Variants in RARG observed in about 807,000 individuals in gnomAD.
The protein encoded by RARG is retinoic acid receptor gamma.
RARG carries 17 observed loss-of-function variants against 43.7 expected under a neutral mutation model. The observed-to-expected ratio is 0.39, with a 90% CI of 0.27 to 0.58. The LOEUF is 0.58. Among genes scored for constraint, RARG ranks in the 20% least tolerant of loss-of-function variants. The pLI, the probability that RARG is intolerant of heterozygous loss-of-function variation, is 0.57. For synonymous variants in RARG, 238 were observed against 236.4 expected, an observed-to-expected ratio of 1.01 and a Z score of -0.06; for missense variants, 346 against 598.7, an observed-to-expected ratio of 0.58 and a Z score of 4.40.
Position 53,213,818 on chromosome 12 carries a change from G to A in RARG, c.814-118C>T. ...GAGTGCAACCTGAAGCAGGCATGGA[G>A]AAGGCAGAGGTGGAGGATCTGAGGC... On this transcript the variant is annotated intron_variant, in intron 7 of 9. Coordinates refer to ENST00000425354, the MANE Select transcript of RARG (RefSeq NM_000966.6). This position sits in a 1 kb window ranked among gnomAD's most constrained non-coding sequence, Gnocchi z 4.7. 2 of 1,197,534 alleles carry A rather than the reference G, an allele frequency of 1.7e-6. No homozygotes were observed. The highest frequency in any genetic ancestry group is 1.2e-6 in the Non-Finnish European group (1 of 838,516). 74.2% of individuals were successfully genotyped at this position (1,197,534 alleles called of 1,614,324 possible). A position where few individuals can be genotyped will look rare whatever the true frequency, so the allele number is the denominator to read the frequency against.
intron 3 of RARG, among the ~76,000 whole-genome samples, chr12:53,223,217 G>T (rs886587646): frequency 6.6e-6 from 1 of 152,082 alleles, no homozygotes; most frequent in Non-Finnish European, 1.5e-5. Flanking sequence ...AATTCCTCAC[G>T]CTAAATTCTC....
rs968790044 is a variant in RARG, at chr12:53,225,289, C to T, written c.184+2073G>A. Among the ~76,000 whole-genome samples, 6 of 152,348 alleles carry T rather than the reference C, an allele frequency of 3.9e-5. No individual in the cohort carries two copies. In the South Asian group the frequency reaches 8.3e-4, roughly 21 times the overall value. On this transcript the variant is annotated intron_variant, in intron 3 of 9. Transcript: ENST00000425354. ...CATGCCACCAGCAGGCTTCACCAAA[C>T]GCCAGCCACAGCGTCAGCAGCACTA...
At chr12:53,221,265 C>T (rs765889576) in intron 3 of RARG, among the ~76,000 whole-genome samples, 10 of 151,990 alleles carry the variant, frequency 6.6e-5, no homozygotes, top group Non-Finnish European at 1.2e-4. Flanking sequence ...AAGCCTTATC[C>T]CGCAACTGAC....
At chr12:53,231,936 C>T (rs982121437) in intron 1 of RARG, 38 bp downstream of exon 1, 2 of 395,398 alleles carry the variant, frequency 5.1e-6, no homozygotes, top group Non-Finnish European at 8.9e-6. Context: ...AGGACCCAGG[C>T]GACGGGGCGG....
Position 53,213,684 on chromosome 12 carries a change from G to A in RARG, c.830C>T (p.Thr277Ile). Residue 277 changes from threonine to isoleucine, a missense_variant, in exon 8 of 10, where the codon ACA becomes ATA. Coordinates refer to ENST00000425354, the MANE Select transcript of RARG (RefSeq NM_000966.6). This position sits in a 1 kb window ranked among gnomAD's most constrained non-coding sequence, Gnocchi z 4.7. ...GGTGTCCTGCTCTGGGGTGTACCTT[G>A]TGCAGATACGCAGCATCTGGAGGTG... is the stretch of plus-strand genomic sequence containing the variant. ...CLDILMLRIC[T>I]RYTPEQDTMT... The A allele has an allele frequency of 6.2e-7, 1 of 1,613,216 alleles. No homozygotes were observed. Among genetic ancestry groups the A allele is most frequent in the Non-Finnish European group, 8.5e-7 (1 of 1,179,226 alleles).
In RARG at chr12:53,222,448, C is replaced by T. The variant is rs935851498; in HGVS notation, c.184+4914G>A. Among the ~76,000 whole-genome samples the T allele has an allele frequency of 5.3e-5, 8 of 152,176 alleles. No individual in the cohort carries two copies. The East Asian group carries it at 7.7e-4, about 15-fold the overall frequency. On this transcript the variant is annotated intron_variant, in intron 3 of 9. Coordinates refer to ENST00000425354, the MANE Select transcript of RARG (RefSeq NM_000966.6). ...TAGTCAACTTCAAGCTGTCAGTACC[C>T]CCCTTCCCCCTCAGAAATCTGAAAG... is the stretch of plus-strand genomic sequence containing the variant.
rs1260674982 is a variant in RARG, at chr12:53,211,082, AGAG to A, written c.*591_*593del. On this transcript the variant is annotated 3_prime_UTR_variant, in exon 10 of 10. Coordinates refer to ENST00000425354, the MANE Select transcript of RARG (RefSeq NM_000966.6). This position sits in a 1 kb window ranked among gnomAD's most constrained non-coding sequence, Gnocchi z 4.6. ...CAGGGTGAACTCTGCACCCGAGCCAAGAGGTGCAGAATGGACCTGCATCTATCT... is the reference window on the plus strand; with the variant it reads ...CAGGGTGAACTCTGCACCCGAGCCAAGTGCAGAATGGACCTGCATCTATCT... 1 of 151,982 alleles carries A rather than the reference AGAG, an allele frequency of 6.6e-6. No homozygotes were observed. The highest frequency in any genetic ancestry group is 1.5e-5 in the Non-Finnish European group (1 of 67,578). 9.4% of individuals were successfully genotyped at this position (151,982 alleles called of 1,614,324 possible).
Position 53,213,864 on chromosome 12 carries a change from A to G in RARG, c.814-164T>C. 2 of 1,067,846 alleles carry G rather than the reference A, an allele frequency of 1.9e-6. No homozygotes were observed. Among genetic ancestry groups the G allele is most frequent in the South Asian group, 3.0e-5 (2 of 66,982 alleles). 66.1% of individuals were successfully genotyped at this position (1,067,846 alleles called of 1,614,324 possible). ...GAGGCTTGGCAGGGGTAGTCCCGGG[A>G]AGTCAGGAGGAGACAGGGCATCCAA... On this transcript the variant is annotated intron_variant, in intron 7 of 9. Coordinates refer to ENST00000425354, the MANE Select transcript of RARG (RefSeq NM_000966.6). This position sits in a 1 kb window ranked among gnomAD's most constrained non-coding sequence, Gnocchi z 4.7.
intron 2 of RARG, among the ~76,000 whole-genome samples, chr12:53,228,104 G>T (rs140874622): frequency 2.0e-5 from 3 of 152,292 alleles, no homozygotes; most frequent in African/African-American, 7.2e-5. Flanking sequence ...GCTGCAAGTG[G>T]GGGAGCCCAG....
In RARG at chr12:53,211,517, A is replaced by G. The variant is rs1942586585; in HGVS notation, c.*159T>C. 1.5e-6 allele frequency: 1 copy of G among 648,400 alleles called. No homozygotes were observed. The highest frequency in any genetic ancestry group is 3.0e-5 in the South Asian group (1 of 32,850). 40.2% of individuals were successfully genotyped at this position (648,400 alleles called of 1,614,324 possible). On this transcript the variant is annotated 3_prime_UTR_variant, in exon 10 of 10. Coordinates refer to ENST00000425354, the MANE Select transcript of RARG (RefSeq NM_000966.6). The surrounding 1 kb of genome is among the most constrained non-coding windows in gnomAD (Gnocchi z 4.6). ...CGGTTAGATCAGGAAGGGGATGAAC[A>G]CAGAGGCACCCCTAGAAACTTTGGC...
rs1388134261 is a variant in RARG at position 53,210,652 on chromosome 12, G to A, written c.*1024C>T. 6.6e-6 allele frequency: 1 copy of A among 152,610 alleles called. No individual in the cohort carries two copies. Among genetic ancestry groups the A allele is most frequent in the Non-Finnish European group, 1.5e-5 (1 of 68,038 alleles). The allele number at this position is 152,610 out of a possible 1,614,324, so 9.5% of individuals were successfully genotyped here. On this transcript the variant is annotated 3_prime_UTR_variant, in exon 10 of 10. Coordinates refer to ENST00000425354, the MANE Select transcript of RARG (RefSeq NM_000966.6). Reference sequence around the variant, plus strand: ...GGGTAGAGGGGAGATGTAAACAGAGGGGAGGGGACAGCACCCTGACCCCCC... The same window carrying A: ...GGGTAGAGGGGAGATGTAAACAGAGAGGAGGGGACAGCACCCTGACCCCCC...
In RARG at chr12:53,213,781, T is replaced by C; in HGVS notation, c.814-81A>G. ...GGGAATGAGTGGAAAGTGAGGAGGTTAGGTCCCCAGTGAGTGCAACCTGAA... is the reference window on the plus strand; with the variant it reads ...GGGAATGAGTGGAAAGTGAGGAGGTCAGGTCCCCAGTGAGTGCAACCTGAA... On this transcript the variant is annotated intron_variant, in intron 7 of 9. Coordinates refer to ENST00000425354, the MANE Select transcript of RARG (RefSeq NM_000966.6). This position sits in a 1 kb window ranked among gnomAD's most constrained non-coding sequence, Gnocchi z 4.7. 1 of 1,317,286 alleles carries C rather than the reference T, an allele frequency of 7.6e-7. No homozygotes were observed. Among genetic ancestry groups the C allele is most frequent in the Non-Finnish European group, 1.1e-6 (1 of 931,282 alleles). The allele number at this position is 1,317,286 out of a possible 1,614,324, so 81.6% of individuals were successfully genotyped here.
At chr12:53,216,906 A>C (rs2120644504) in intron 3 of RARG, among the ~76,000 whole-genome samples, 1 of 151,862 alleles carries the variant, frequency 6.6e-6, no homozygotes, top group African/African-American at 2.4e-5. Context: ...AAATTATTCA[A>C]CCTGTAGGAC....
rs1942732828 is a variant in RARG at position 53,215,409 on chromosome 12, T to C, written c.359A>G (p.Lys120Arg). The change falls in exon 5 of 10, where the codon AAG becomes AGG. Residue 120 changes from lysine (K) to arginine (R), a missense_variant. Lys to Arg is a conservative substitution (Grantham distance 26). Transcript: ENST00000425354. This position sits in a 1 kb window ranked among gnomAD's most constrained non-coding sequence, Gnocchi z 6.4. ...CKGFFRRSIQ[K>R]NMVYTCHRDK... ...GCGGTGACACGTGTACACCATGTTC[T>C]TCTGGATGCTTCGGCGAAAGAAGCC... 3 of 1,614,006 alleles carry C rather than the reference T, an allele frequency of 1.9e-6. No individual in the cohort carries two copies. The highest frequency in any genetic ancestry group is 2.2e-5 in the South Asian group (2 of 91,092).
chr12:53,230,914 G>T (rs552354090), intron 2 of RARG, among the ~76,000 whole-genome samples: 2 of 150,222 alleles, frequency 1.3e-5, no homozygotes, highest in Admixed American at 6.7e-5. Flanking sequence ...CCAAGCTCCA[G>T]GCTCCCTGCA....
chr12:53,222,240 A>AAAGAAAAGAAAGAG lies in RARG; in HGVS notation c.184+5121_184+5122insCTCTTTCTTTTCTT, dbSNP rs1469047664. Among the ~76,000 whole-genome samples the AAAGAAAAGAAAGAG allele has an allele frequency of 2.7e-3, 269 of 99,344 alleles. 1 individual carries two copies. The highest frequency in any genetic ancestry group is 0.014 in the African/African-American group (259 of 18,312). The allele number at this position is 99,344 out of a possible 152,430, so 65.2% of individuals were successfully genotyped here. A position where few individuals can be genotyped will look rare whatever the true frequency, so the allele number is the denominator to read the frequency against. ...AAAAAAGAAAGAAAGAGAGAGAAAG[A>AAAGAAAAGAAAGAG]AAAGAAAGAGAAAGAAAGAAGAAAG... On this transcript the variant is annotated intron_variant, in intron 3 of 9. Coordinates refer to ENST00000425354, the MANE Select transcript of RARG (RefSeq NM_000966.6).
At chr12:53,224,690 T>C (rs1168375393) in intron 3 of RARG, among the ~76,000 whole-genome samples, 1 of 150,958 alleles carries the variant, frequency 6.6e-6, no homozygotes, top group Non-Finnish European at 1.5e-5. Context: ...TAAAGCCGCA[T>C]AGCAACCCAC....
In RARG at chr12:53,214,188, G is replaced by C; in HGVS notation, c.684C>G (p.Asp228Glu). 1 of 1,613,780 alleles carries C rather than the reference G, an allele frequency of 6.2e-7. No individual in the cohort carries two copies. Among genetic ancestry groups the C allele is most frequent in the Non-Finnish European group, 8.5e-7 (1 of 1,179,698 alleles). ...HRVQLDLGLW[D>E]KFSELATKCI... ...ACTTGGTAGCCAGCTCACTGAACTTGTCCCACAGCCCCAGATCCAGCTGCA... is the reference window on the plus strand; with the variant it reads ...ACTTGGTAGCCAGCTCACTGAACTTCTCCCACAGCCCCAGATCCAGCTGCA... The change falls in exon 7 of 10, where the codon GAC (aspartate) becomes GAG (glutamate). Residue 228 changes from aspartate (D) to glutamate (E), a missense_variant. Asp to Glu is a conservative substitution (Grantham distance 45). This residue lies in a region of RARG where 37 missense variants were observed against 146.3 expected (regional missense o/e 0.25). Coordinates refer to ENST00000425354, the MANE Select transcript of RARG (RefSeq NM_000966.6).
intron 9 of RARG, among the ~76,000 whole-genome samples, chr12:53,212,735 TATACACACACACACACACAC>T (rs1183138227): frequency 7.3e-6 from 1 of 136,942 alleles, no homozygotes; most frequent in Admixed American, 7.0e-5. Context: ...TAAATATATA[TATACACACACACACACACAC>T]ACACACACAC....
Sources: allele counts gnomAD v4.1 joint callset (sites outside exome capture counted in the v4.1 genomes callset), GRCh38; gene constraint gnomAD v4.1.1; regional missense constraint gnomAD v4.1.1; non-coding constraint Gnocchi (gnomAD v3.1); transcripts MANE v1.5; gene names NCBI Gene and HGNC (gene_info 2026-07-23, HGNC 2026-07-21).